PTPRG: variants seen among roughly 807,000 people sequenced by gnomAD.
PTPRG encodes receptor-type tyrosine-protein phosphatase gamma.
Under a neutral mutation model 165.3 loss-of-function variants are expected in PTPRG, and 102 were observed. That is an observed-to-expected ratio of 0.62 (90% CI 0.53 to 0.73). The LOEUF is 0.73. Among genes scored for constraint, PTPRG ranks in the 30% least tolerant of loss-of-function variants. The pLI, the probability that PTPRG is intolerant of heterozygous loss-of-function variation, is 0.00. For missense variants in PTPRG, 1,866 were observed against 1,861.4 expected, an observed-to-expected ratio of 1.00 and a Z score of -0.05; for synonymous variants, 675 against 669.5, an observed-to-expected ratio of 1.01 and a Z score of -0.13.
At chr3:62,215,444 T>G (rs1700472529) in intron 12 of PTPRG, among the ~76,000 whole-genome samples, 3 of 151,786 alleles carry the variant, frequency 2.0e-5, no homozygotes, top group African/African-American at 7.3e-5. Flanking sequence ...GGTCTCTCAC[T>G]GACACTACAA....
At chr3:61,646,679 G>A (rs1341110383) in intron 1 of PTPRG, among the ~76,000 whole-genome samples, 1 of 152,180 alleles carries the variant, frequency 6.6e-6, no homozygotes. Context: ...TGGTGTGTAT[G>A]TGTATGTATA....
At chr3:61,642,144 T>C (rs980091278) in intron 1 of PTPRG, among the ~76,000 whole-genome samples, 2 of 152,150 alleles carry the variant, frequency 1.3e-5, no homozygotes, top group African/African-American at 4.8e-5. Flanking sequence ...CCCCGAGTTA[T>C]TAAATTGGTT....
chr3:62,199,280 G>T (rs1352751027), intron 10 of PTPRG, among the ~76,000 whole-genome samples: 1 of 152,084 alleles, frequency 6.6e-6, no homozygotes, highest in African/African-American at 2.4e-5. Context: ...TTTGACCTGG[G>T]ACCTACACAC....
intron 15 of PTPRG, among the ~76,000 whole-genome samples, chr3:62,249,753 C>T (rs1336420652): frequency 6.6e-6 from 1 of 152,142 alleles, no homozygotes; most frequent in Non-Finnish European, 1.5e-5. Context: ...ACCAGTCTAC[C>T]AGTGTGAATT....
In PTPRG at chr3:62,295,550, C is replaced by G. The variant is rs1282375658; in HGVS notation, c.*2243C>G. 1 of 151,988 alleles carries G rather than the reference C, an allele frequency of 6.6e-6. No individual in the cohort carries two copies. Among genetic ancestry groups the G allele is most frequent in the Non-Finnish European group, 1.5e-5 (1 of 67,976 alleles). The allele number at this position is 151,988 out of a possible 1,614,324, so 9.4% of individuals were successfully genotyped here. On this transcript the variant is annotated 3_prime_UTR_variant, in exon 30 of 30. Coordinates refer to ENST00000474889, the MANE Select transcript of PTPRG (RefSeq NM_002841.4). Reference sequence around the variant, plus strand: ...TCAATTCGTAGAAAGGCATACCCTCCAATGCAATTCTGTGGCTGTCCCTTA... The same window carrying G: ...TCAATTCGTAGAAAGGCATACCCTCGAATGCAATTCTGTGGCTGTCCCTTA...
At chr3:62,182,196 C>A (rs1041305627) in intron 8 of PTPRG, among the ~76,000 whole-genome samples, 1 of 152,048 alleles carries the variant, frequency 6.6e-6, no homozygotes, top group African/African-American at 2.4e-5. Flanking sequence ...AGGAGGAGTT[C>A]GTTGCCCTGT....
intron 2 of PTPRG, among the ~76,000 whole-genome samples, chr3:61,901,510 G>T (rs1273025564): frequency 1.3e-5 from 2 of 152,190 alleles, no homozygotes; most frequent in Non-Finnish European, 2.9e-5. Context: ...TACTGTTTCA[G>T]TTCCCTTGGA....
At chr3:62,236,392 T>G (rs1701035195) in intron 14 of PTPRG, among the ~76,000 whole-genome samples, 1 of 152,252 alleles carries the variant, frequency 6.6e-6, no homozygotes, top group Non-Finnish European at 1.5e-5. Flanking sequence ...TTTTCAACTT[T>G]CTATTTGTAA....
intron 12 of PTPRG, among the ~76,000 whole-genome samples, chr3:62,206,702 G>A (rs1222301292): frequency 6.6e-6 from 1 of 152,056 alleles, no homozygotes. Flanking sequence ...GGAGGCCAAG[G>A]AGGGTGGATC....
rs544554893 is a variant in PTPRG, at chr3:62,212,984, TGAG to T, written c.2156-5860_2156-5858del. On this transcript the variant is annotated intron_variant, in intron 12 of 29. Transcript: ENST00000474889. ...CATCTGGATGAACCAGAGATGGAGG[TGAG>T]GAGGAGCTCTGTTAACCCAGAGGTC... 6.8e-4 allele frequency among the ~76,000 whole-genome samples: 103 copies of T among 152,142 alleles called. 1 individual carries two copies. Among genetic ancestry groups the T allele is most frequent in the African/African-American group, 2.5e-3 (102 of 41,502 alleles).
intron 1 of PTPRG, among the ~76,000 whole-genome samples, chr3:61,599,027 T>C (rs1700775986): frequency 6.6e-6 from 1 of 152,186 alleles, no homozygotes; most frequent in Non-Finnish European, 1.5e-5. Flanking sequence ...CACATACAGA[T>C]GGATAGGAAG....
intron 2 of PTPRG, among the ~76,000 whole-genome samples, chr3:61,981,164 A>T (rs944560356): frequency 3.3e-5 from 5 of 149,852 alleles, no homozygotes; most frequent in Non-Finnish European, 5.9e-5. Context: ...GAGACCCCTT[A>T]TAAAACCGTC....
At chr3:61,632,255 G>A (rs2106930755) in intron 1 of PTPRG, among the ~76,000 whole-genome samples, 1 of 152,268 alleles carries the variant, frequency 6.6e-6, no homozygotes, top group Non-Finnish European at 1.5e-5. Context: ...GCTGCAGTGA[G>A]CCGTGATTGT....
chr3:61,729,522 C>T (rs1199403892), intron 1 of PTPRG, among the ~76,000 whole-genome samples: 1 of 152,210 alleles, frequency 6.6e-6, no homozygotes, highest in Non-Finnish European at 1.5e-5. Flanking sequence ...CAATCATTTT[C>T]CCAGTCCTCT....
chr3:62,140,994 A>G (rs1389873072), intron 6 of PTPRG, among the ~76,000 whole-genome samples: 2 of 152,098 alleles, frequency 1.3e-5, no homozygotes, highest in Non-Finnish European at 1.5e-5. Context: ...AAAAATTTCC[A>G]TGCTGTCCCC....
At chr3:62,132,028 G>A (rs1349295150) in intron 5 of PTPRG, among the ~76,000 whole-genome samples, 1 of 152,262 alleles carries the variant, frequency 6.6e-6, no homozygotes, top group South Asian at 2.1e-4. Context: ...CTTGACTTTT[G>A]AGGGGGATTA....
chr3:61,690,473 G>A lies in PTPRG; in HGVS notation c.86-58405G>A, dbSNP rs115320602. 3.5e-3 allele frequency among the ~76,000 whole-genome samples: 534 copies of A among 152,278 alleles called. 4 individuals carry two copies. The highest frequency in any genetic ancestry group is 0.012 in the African/African-American group (510 of 41,538). Reference sequence around the variant, plus strand: ...CTGCCTTGTTTTTCATCACCTGGACGTCTGATACATGCAAAGTGGAGGAAT... The same window carrying A: ...CTGCCTTGTTTTTCATCACCTGGACATCTGATACATGCAAAGTGGAGGAAT... On this transcript the variant is annotated intron_variant, in intron 1 of 29. Coordinates refer to ENST00000474889, the MANE Select transcript of PTPRG (RefSeq NM_002841.4).
At chr3:61,620,685 A>G (rs555196117) in intron 1 of PTPRG, among the ~76,000 whole-genome samples, 3 of 151,858 alleles carry the variant, frequency 2.0e-5, no homozygotes, top group South Asian at 4.2e-4. Flanking sequence ...CTGGAGTGCA[A>G]TAGTGCGATT....
chr3:61,807,909 A>G (rs1038579170), intron 2 of PTPRG, among the ~76,000 whole-genome samples: 1 of 152,216 alleles, frequency 6.6e-6, no homozygotes, highest in Non-Finnish European at 1.5e-5. Context: ...CTGCAGAGCT[A>G]GGAGCACTCT....
Sources: allele counts gnomAD v4.1 joint callset (sites outside exome capture counted in the v4.1 genomes callset), GRCh38; gene constraint gnomAD v4.1.1; transcripts MANE v1.5; gene names NCBI Gene and HGNC (gene_info 2026-07-23, HGNC 2026-07-21).